The following TRIM25 variants were observed in gnomAD, a reference collection of about 807,000 sequenced individuals.
TRIM25 encodes the protein tripartite motif containing 25.
In TRIM25, 45 loss-of-function variants were observed where a neutral mutation model predicts 65.2. That is an observed-to-expected ratio of 0.69 (90% CI 0.54 to 0.89). The LOEUF is 0.89. Ranked by LOEUF, TRIM25 falls within the 40% of genes least tolerant of loss-of-function variation. The pLI is 0.00. For missense variants in TRIM25, 714 were observed against 803.7 expected (o/e 0.89, Z 1.35); for synonymous variants, 321 against 340.4 (o/e 0.94, Z 0.63).
chr17:56,893,489 A>G lies in TRIM25; in HGVS notation c.1364-1260T>C, dbSNP rs572361050. 2.0e-5 allele frequency among the ~76,000 whole-genome samples: 3 copies of G among 152,326 alleles called. No individual in the cohort carries two copies. In the South Asian group the frequency reaches 6.2e-4, roughly 32 times the overall value. Reference sequence around the variant, plus strand: ...GCAGGGACAGCGGAGGGCTACAAGAAGGCCAGCCCTGAAAAAGCAAGGGAC... The same window carrying G: ...GCAGGGACAGCGGAGGGCTACAAGAGGGCCAGCCCTGAAAAAGCAAGGGAC... On this transcript the variant is annotated intron_variant, in intron 8 of 8. Coordinates refer to ENST00000316881, the MANE Select transcript of TRIM25 (RefSeq NM_005082.5).
At chr17:56,898,093 C>T (rs992830136) in intron 5 of TRIM25, among the ~76,000 whole-genome samples, 7 of 152,212 alleles carry the variant, frequency 4.6e-5, no homozygotes, top group African/African-American at 1.7e-4. Flanking sequence ...GAAGCAATGA[C>T]AGCTAACATT....
intron 4 of TRIM25, among the ~76,000 whole-genome samples, chr17:56,899,503 G>A (rs1909367580): frequency 6.6e-6 from 1 of 152,208 alleles, no homozygotes; most frequent in Non-Finnish European, 1.5e-5. Context: ...GCTCATGGTT[G>A]ATGTGACTCC....
intron 3 of TRIM25, among the ~76,000 whole-genome samples, chr17:56,903,836 C>T (rs1909463838): frequency 6.6e-6 from 1 of 152,172 alleles, no homozygotes; most frequent in African/African-American, 2.4e-5. Context: ...TTGAAGAAGT[C>T]AGCTATCAAT....
At chr17:56,899,679 G>A (rs1357406580) in intron 4 of TRIM25, among the ~76,000 whole-genome samples, 2 of 152,222 alleles carry the variant, frequency 1.3e-5, no homozygotes, top group African/African-American at 4.8e-5. Flanking sequence ...CCTTCTGCAA[G>A]GACACTCGGC....
rs764712976 is a variant in TRIM25, at chr17:56,913,717, G to C, written c.272C>G (p.Thr91Arg). 4 of 1,563,746 alleles carry C rather than the reference G, an allele frequency of 2.6e-6. No homozygotes were observed. Among genetic ancestry groups the C allele is most frequent in the East Asian group, 2.3e-5 (1 of 43,924 alleles). ...LAREPPADVW[T>R]PPARASAPSP... Reference sequence around the variant, plus strand: ...GGGTGCAGAGGCGCGGGCGGGCGGCGTCCAGACGTCGGCGGGTGGCTCCCG... The same window carrying C: ...GGGTGCAGAGGCGCGGGCGGGCGGCCTCCAGACGTCGGCGGGTGGCTCCCG... Residue 91 changes from threonine to arginine, a missense_variant, in exon 1 of 9, where the codon ACG (threonine) becomes AGG (arginine). This residue lies in a region of TRIM25 where 291 missense variants were observed against 281.8 expected (regional missense o/e 1.03). Transcript: ENST00000316881. This position sits in a 1 kb window ranked among gnomAD's most constrained non-coding sequence, Gnocchi z 6.1.
chr17:56,907,997 G>A (rs1598078803), intron 2 of TRIM25, among the ~76,000 whole-genome samples: 1 of 152,282 alleles, frequency 6.6e-6, no homozygotes, highest in South Asian at 2.1e-4. Flanking sequence ...TAGAGACTTC[G>A]GGAGTGTGGC....
chr17:56,892,990 A>T (rs1909213039), intron 8 of TRIM25, among the ~76,000 whole-genome samples: 1 of 152,254 alleles, frequency 6.6e-6, no homozygotes, highest in South Asian at 2.1e-4. Flanking sequence ...GGAGCCAAGT[A>T]ACAGAAGATG....
intron 8 of TRIM25, among the ~76,000 whole-genome samples, chr17:56,895,114 A>C (rs1395722812): frequency 6.6e-6 from 1 of 152,248 alleles, no homozygotes; most frequent in Admixed American, 6.5e-5. Flanking sequence ...ATTGGGCCAG[A>C]CTAGACGGCA....
intron 6 of TRIM25, 53 bp from the exon 7 acceptor site, chr17:56,895,657 C>A (rs1316201995): frequency 1.3e-6 from 2 of 1,492,682 alleles, no homozygotes; most frequent in African/African-American, 2.8e-5. Context: ...GGCCTCTACT[C>A]CCTTCCACAC....
chr17:56,890,852 A>G lies in TRIM25; in HGVS notation c.*848T>C. ...GGCAGAGTTCCTTGCCCCACAGCCA[A>G]GGCTATGGGAAGCAAGGCCTCCAGC... On this transcript the variant is annotated 3_prime_UTR_variant, in exon 9 of 9. Coordinates refer to ENST00000316881, the MANE Select transcript of TRIM25 (RefSeq NM_005082.5). 1 of 456,640 alleles carries G rather than the reference A, an allele frequency of 2.2e-6. No homozygotes were observed. Among genetic ancestry groups the G allele is most frequent in the South Asian group, 1.5e-5 (1 of 64,566 alleles). The allele number at this position is 456,640 out of a possible 1,614,324, so 28.3% of individuals were successfully genotyped here. A position where few individuals can be genotyped will look rare whatever the true frequency, so the allele number is the denominator to read the frequency against.
chr17:56,911,932 G>A (rs564362776), intron 1 of TRIM25, among the ~76,000 whole-genome samples: 4 of 151,878 alleles, frequency 2.6e-5, no homozygotes, highest in African/African-American at 7.2e-5. Context: ...AGCCAGGCAC[G>A]GTGGCACACC....
At chr17:56,910,929 G>A (rs573073668) in intron 1 of TRIM25, among the ~76,000 whole-genome samples, 1 of 152,212 alleles carries the variant, frequency 6.6e-6, no homozygotes, top group East Asian at 1.9e-4. Flanking sequence ...GTCAGGACAG[G>A]GGGGTAGGTG....
rs553759115 is a variant in TRIM25 at position 56,906,059 on chromosome 17, C to A, written c.694-1571G>T. Reference sequence around the variant, plus strand: ...CCTACTGTATTTCTGCTGGACAGCACTGCTTTAGTAGCTGCAATTTTGTTT... The same window carrying A: ...CCTACTGTATTTCTGCTGGACAGCAATGCTTTAGTAGCTGCAATTTTGTTT... On this transcript the variant is annotated intron_variant, in intron 2 of 8. Coordinates refer to ENST00000316881, the MANE Select transcript of TRIM25 (RefSeq NM_005082.5). 7.2e-5 allele frequency among the ~76,000 whole-genome samples: 11 copies of A among 152,370 alleles called. No homozygotes were observed. The South Asian group carries it at 1.9e-3, about 26-fold the overall frequency.
At position 56,892,051 on chromosome 17, in the gene TRIM25, C is replaced by G; in HGVS notation, c.1542G>C (p.Trp514Cys). ...AGTTGTTCTTCTGCAGCTCCACCTCCCAGTAGTGGATCCCCTTCTTGTAGC... is the reference window on the plus strand; with the variant it reads ...AGTTGTTCTTCTGCAGCTCCACCTCGCAGTAGTGGATCCCCTTCTTGTAGC... ...LHCYKKGIHY[W>C]EVELQKNNFC... The change falls in exon 9 of 9, where the codon TGG becomes TGC. Residue 514 changes from tryptophan to cysteine, a missense_variant. By Grantham distance (215) the Trp-to-Cys change is radical (BLOSUM62 -2). Transcript: ENST00000316881. 1 of 1,614,192 alleles carries G rather than the reference C, an allele frequency of 6.2e-7. No individual in the cohort carries two copies. Among genetic ancestry groups the G allele is most frequent in the Non-Finnish European group, 8.5e-7 (1 of 1,180,026 alleles).
chr17:56,896,141 C>T (rs563215770), intron 5 of TRIM25, among the ~76,000 whole-genome samples, 189 bp from the exon 6 acceptor site: 2 of 152,030 alleles, frequency 1.3e-5, no homozygotes, highest in South Asian at 2.1e-4. Context: ...GTCGTGGGGG[C>T]GGGGACTGAC....
At position 56,890,912 on chromosome 17, in the gene TRIM25, AG is replaced by A; in HGVS notation, c.*787del. On this transcript the variant is annotated 3_prime_UTR_variant, in exon 9 of 9. Transcript: ENST00000316881. The stretch of plus-strand genomic sequence containing the variant: ...GGCTGCCACCAAAGCATCTCTGCCA[AG>A]ATGCTTCTTATGATACTTAGGAAGG... The A allele has an allele frequency of 2.2e-6, 1 of 456,664 alleles. No individual in the cohort carries two copies. The highest frequency in any genetic ancestry group is 4.4e-6 in the Non-Finnish European group (1 of 226,956). 28.3% of individuals were successfully genotyped at this position (456,664 alleles called of 1,614,324 possible). A position where few individuals can be genotyped will look rare whatever the true frequency, so the allele number is the denominator to read the frequency against.
intron 2 of TRIM25, among the ~76,000 whole-genome samples, chr17:56,908,113 A>G (rs941982498): frequency 1.3e-5 from 2 of 152,234 alleles, no homozygotes; most frequent in Admixed American, 6.5e-5. Context: ...CAGTAGCCCT[A>G]TGAAACTAAT....
In TRIM25 at chr17:56,914,005, G is replaced by T. The variant is rs376772577; in HGVS notation, c.-17C>A. ...CTCTGCCATGGCGCTCCCAGGGGTC[G>T]GGACACAACTGCTGCACCCGCGCTC... On this transcript the variant is annotated 5_prime_UTR_variant, in exon 1 of 9. Coordinates refer to ENST00000316881, the MANE Select transcript of TRIM25 (RefSeq NM_005082.5). 10 of 1,501,512 alleles carry T rather than the reference G, an allele frequency of 6.7e-6. No individual in the cohort carries two copies. The African/African-American group carries it at 1.4e-4, about 21-fold the overall frequency. 93.0% of individuals were successfully genotyped at this position (1,501,512 alleles called of 1,614,324 possible).
intron 5 of TRIM25, 159 bp downstream of exon 5, chr17:56,898,956 A>G: frequency 1.4e-6 from 1 of 704,978 alleles, no homozygotes; most frequent in Non-Finnish European, 2.4e-6. Flanking sequence ...AGCTTCTGCC[A>G]CAGCCCTACA....
Sources: gnomAD v4.1 joint callset for allele counts (sites outside exome capture counted in the v4.1 genomes callset) on GRCh38, gnomAD v4.1.1 for gene constraint, gnomAD v4.1.1 regional missense constraint, Gnocchi (gnomAD v3.1) non-coding constraint, MANE v1.5 for transcripts, NCBI Gene and HGNC (gene_info 2026-07-23, HGNC 2026-07-21) for gene names.